Variants in TSHZ2 observed in about 807,000 individuals in gnomAD.
The protein encoded by TSHZ2 is teashirt homolog 2.
A neutral mutation model predicts 74.4 loss-of-function variants in TSHZ2; 21 were observed. The observed-to-expected ratio is 0.28, with a 90% confidence interval of 0.20 to 0.41. TSHZ2 has a LOEUF of 0.41. Ranked by LOEUF, TSHZ2 falls within the 10% of genes least tolerant of loss-of-function variation. The pLI is 1.00. For synonymous variants in TSHZ2, 540 were observed against 515.3 expected, an observed-to-expected ratio of 1.05 and a Z score of -0.65; for missense variants, 1,244 against 1,293.5, an observed-to-expected ratio of 0.96 and a Z score of 0.59.
intron 1 of TSHZ2, among the ~76,000 whole-genome samples, chr20:53,175,909 G>A (rs1052890484): frequency 6.6e-6 from 1 of 152,214 alleles, no homozygotes; most frequent in Non-Finnish European, 1.5e-5. Flanking sequence ...GAACAGAACA[G>A]AGCCTTATTC....
chr20:53,279,600 A>G (rs1363426626), intron 2 of TSHZ2, among the ~76,000 whole-genome samples: 1 of 152,146 alleles, frequency 6.6e-6, no homozygotes, highest in Non-Finnish European at 1.5e-5. Context: ...CAACTATCTG[A>G]TATCATGTTG....
chr20:53,124,831 G>T (rs1369849549), intron 1 of TSHZ2, among the ~76,000 whole-genome samples: 5 of 152,172 alleles, frequency 3.3e-5, no homozygotes, highest in Non-Finnish European at 5.9e-5. Context: ...ACACAGCCAG[G>T]GAGTGGGCAT....
intron 1 of TSHZ2, among the ~76,000 whole-genome samples, chr20:52,986,315 T>C (rs1426370015): frequency 6.6e-6 from 1 of 150,590 alleles, no homozygotes; most frequent in Non-Finnish European, 1.5e-5. Context: ...AGCAGGAGAA[T>C]TGCTTGAACC....
rs531827444 is a variant in TSHZ2, at chr20:53,263,802, C to T, written c.*8+7231C>T. Among the ~76,000 whole-genome samples, 12 of 152,242 alleles carry T rather than the reference C, an allele frequency of 7.9e-5. No homozygotes were observed. In the East Asian group the frequency reaches 2.1e-3, roughly 27 times the overall value. ...GGCTCTAACATGAGTGCCACTTTTC[C>T]GCATCTCAGAGGATACTGGGCTGTT... On this transcript the variant is annotated intron_variant, in intron 2 of 2. Transcript: ENST00000371497.
intron 1 of TSHZ2, among the ~76,000 whole-genome samples, chr20:53,202,645 C>T (rs887303492): frequency 4.6e-5 from 7 of 152,178 alleles, no homozygotes; most frequent in Non-Finnish European, 1.5e-5. Flanking sequence ...ATCACCGTAG[C>T]ATAGGCAGAG....
chr20:53,170,005 A>G (rs976205), intron 1 of TSHZ2, among the ~76,000 whole-genome samples: 1,728 of 152,312 alleles, frequency 0.011, 121 homozygotes, highest in Admixed American at 0.1. Context: ...ACCATTGAAG[A>G]CAAGAATGCT....
intron 2 of TSHZ2, among the ~76,000 whole-genome samples, chr20:53,444,880 C>T (rs1206954387): frequency 6.6e-6 from 1 of 152,222 alleles, no homozygotes; most frequent in Non-Finnish European, 1.5e-5. Flanking sequence ...AGCCCAACCC[C>T]TGGCTCCTTT....
intron 1 of TSHZ2, among the ~76,000 whole-genome samples, chr20:53,089,260 GA>G (rs1384334470): frequency 4.1e-5 from 6 of 147,028 alleles, no homozygotes; most frequent in South Asian, 4.4e-4. Flanking sequence ...CCCACACAGA[GA>G]AAAAAATCTT....
intron 1 of TSHZ2, among the ~76,000 whole-genome samples, chr20:53,206,383 G>A (rs771041824): frequency 3.9e-5 from 6 of 152,108 alleles, no homozygotes; most frequent in South Asian, 2.1e-4. Context: ...TAATAAACAC[G>A]ATGATGAGGA....
intron 2 of TSHZ2, among the ~76,000 whole-genome samples, chr20:53,465,335 A>G (rs1985521904): frequency 6.6e-6 from 1 of 152,052 alleles, no homozygotes; most frequent in Admixed American, 6.6e-5. Flanking sequence ...CAATGGCGCG[A>G]TCTTGGCTCA....
At chr20:53,300,155 T>C (rs2145479368) in intron 2 of TSHZ2, among the ~76,000 whole-genome samples, 1 of 152,344 alleles carries the variant, frequency 6.6e-6, no homozygotes, top group Admixed American at 6.5e-5. Flanking sequence ...CTACCTGTTT[T>C]AGTAACTTCC....
intron 1 of TSHZ2, among the ~76,000 whole-genome samples, chr20:53,242,482 G>T (rs1280134062): frequency 1.3e-5 from 2 of 152,164 alleles, no homozygotes; most frequent in African/African-American, 4.8e-5. Context: ...TAGGGGATGA[G>T]TTCTTGGTCC....
At chr20:53,333,355 A>G (rs752159042) in intron 2 of TSHZ2, among the ~76,000 whole-genome samples, 2 of 152,196 alleles carry the variant, frequency 1.3e-5, no homozygotes, top group Non-Finnish European at 2.9e-5. Flanking sequence ...TTTGAAGAAC[A>G]ATCTATTAAG....
chr20:53,017,226 A>G (rs1983070003), intron 1 of TSHZ2, among the ~76,000 whole-genome samples: 1 of 152,156 alleles, frequency 6.6e-6, no homozygotes, highest in Admixed American at 6.6e-5. Flanking sequence ...TTCTGAAATG[A>G]GGCTCAGGGT....
chr20:53,350,914 A>G (rs1326653589), intron 2 of TSHZ2, among the ~76,000 whole-genome samples: 3 of 152,220 alleles, frequency 2.0e-5, no homozygotes, highest in Admixed American at 6.5e-5. Context: ...TTGCTCACCA[A>G]ATCTTTTTCA....
chr20:53,432,368 C>T (rs1983876221), intron 2 of TSHZ2, among the ~76,000 whole-genome samples: 1 of 152,210 alleles, frequency 6.6e-6, no homozygotes, highest in Admixed American at 6.5e-5. Context: ...TTTATCCACT[C>T]ATCAGTTGAT....
At chr20:53,477,830 C>A (rs1279403598) in intron 2 of TSHZ2, among the ~76,000 whole-genome samples, 2 of 149,090 alleles carry the variant, frequency 1.3e-5, no homozygotes, top group African/African-American at 5.0e-5. Flanking sequence ...AAACAAACAA[C>A]CCCATCAAAA....
At position 53,488,213 on chromosome 20, in the gene TSHZ2, A is replaced by C. The variant is rs1986346253; in HGVS notation, c.*1078A>C. The C allele has an allele frequency of 6.6e-6, 1 of 152,202 alleles. No homozygotes were observed. Among genetic ancestry groups the C allele is most frequent in the African/African-American group, 2.4e-5 (1 of 41,450 alleles). The allele number at this position is 152,202 out of a possible 1,614,324, so 9.4% of individuals were successfully genotyped here. On this transcript the variant is annotated 3_prime_UTR_variant, in exon 3 of 3. Coordinates refer to ENST00000371497, the MANE Select transcript of TSHZ2 (RefSeq NM_173485.6). ...GTGGAATATTCCCGTTAATAATGAG[A>C]TCTAATTAAGACATCCATTAAAAGC...
intron 2 of TSHZ2, among the ~76,000 whole-genome samples, chr20:53,337,950 G>A (rs1482245947): frequency 6.6e-6 from 1 of 152,140 alleles, no homozygotes; most frequent in African/African-American, 2.4e-5. Context: ...GCTTCCCCTG[G>A]CTAAAGCACA....
Sources: gnomAD v4.1 joint callset for allele counts (sites outside exome capture counted in the v4.1 genomes callset) on GRCh38, gnomAD v4.1.1 for gene constraint, MANE v1.5 for transcripts, NCBI Gene and HGNC (gene_info 2026-07-23, HGNC 2026-07-21) for gene names.